GUCY2F: variants seen among roughly 807,000 people sequenced by gnomAD.
GUCY2F encodes the protein retinal guanylyl cyclase 2.
GUCY2F carries 61 observed loss-of-function variants against 73.1 expected under a neutral mutation model. The observed-to-expected ratio is 0.83, with a 90% confidence interval of 0.68 to 1.03. GUCY2F has a LOEUF of 1.03. GUCY2F is among the 50% of genes least tolerant of loss of function. GUCY2F has a pLI of 0.00. For synonymous variants in GUCY2F, 331 were observed against 307.8 expected (o/e 1.08, Z -0.79); for missense variants, 912 against 854.3 (o/e 1.07, Z -0.84).
chrX:109,392,025 G>A lies in GUCY2F; in HGVS notation c.2667C>T (p.Asp889=). The change falls in exon 14 of 20, where the codon GAC becomes GAT. Residue 889 remains aspartate (D), a synonymous_variant. Transcript: ENST00000218006. ...GFDLVTLYFS[D]IVGFTTISAM... is the part of the protein sequence containing the mutation. ...CTGAAATGGTTGTGAAGCCCACAAT[G>A]TCGCTGAAGTACAAGGTGACCAAGT... The A allele has an allele frequency of 8.3e-7, 1 of 1,208,690 alleles. No individual in the cohort carries two copies. The highest frequency in any genetic ancestry group is 1.1e-6 in the Non-Finnish European group (1 of 893,155).
intron 8 of GUCY2F, among the ~76,000 whole-genome samples, chrX:109,416,421 T>G (rs1931242533): frequency 9.1e-6 from 1 of 109,800 alleles, no homozygotes; most frequent in South Asian, 3.9e-4. Context: ...AGTAAAAAAA[T>G]TTGCTAGGTG....
intron 10 of GUCY2F, among the ~76,000 whole-genome samples, chrX:109,400,411 G>C (rs1016349461): frequency 9.0e-6 from 1 of 111,577 alleles, no homozygotes; most frequent in Non-Finnish European, 1.9e-5. Flanking sequence ...CAGGGAGAAA[G>C]TAATGGCTAA....
chrX:109,475,355 A>G lies in GUCY2F; in HGVS notation c.582T>C (p.Asp194=). Residue 194 remains aspartate (D), a synonymous_variant, in exon 2 of 20, where the codon GAT becomes GAC. Transcript: ENST00000218006. The part of the protein sequence containing the change: ...QWAHAGVISS[D]EDIWVHTANR... ...TGGCTGTATGCACCCAAATGTCTTC[A>G]TCTGAGGAAATGACTCCAGCATGAG... is the stretch of plus-strand genomic sequence containing the variant. The G allele has an allele frequency of 8.3e-7, 1 of 1,211,388 alleles. No individual in the cohort carries two copies. The highest frequency in any genetic ancestry group is 1.1e-6 in the Non-Finnish European group (1 of 895,086).
chrX:109,469,066 T>A (rs1308219505), intron 2 of GUCY2F, among the ~76,000 whole-genome samples: 1 of 111,518 alleles, frequency 9.0e-6, no homozygotes, highest in African/African-American at 3.3e-5. Context: ...TAAGTTTCCA[T>A]CCTATCAAGC....
At chrX:109,462,676 T>A (rs73639128) in intron 3 of GUCY2F, among the ~76,000 whole-genome samples, 8,778 of 111,642 alleles carry the variant, frequency 0.079, 835 homozygotes, top group African/African-American at 0.27. Context: ...AAATACCTGT[T>A]CATATATATG....
At position 109,433,259 on chromosome X, in the gene GUCY2F, G is replaced by A. The variant is rs769719993; in HGVS notation, c.1702-2863C>T. On this transcript the variant is annotated intron_variant, in intron 7 of 19. Transcript: ENST00000218006. ...CTGTCTGGCTTATTAAGTGCCACGA[G>A]CAGCTAAGCAGAGCTTTTTCATGCC... Among the ~76,000 whole-genome samples the A allele has an allele frequency of 5.3e-5, 6 of 112,158 alleles. No individual in the cohort carries two copies. In the South Asian group the frequency reaches 1.5e-3, roughly 28 times the overall value.
intron 14 of GUCY2F, among the ~76,000 whole-genome samples, chrX:109,390,845 G>A (rs1467946646): frequency 8.9e-6 from 1 of 112,703 alleles, no homozygotes; most frequent in Non-Finnish European, 1.9e-5. Context: ...TGATTGACAG[G>A]TATGATGTTT....
intron 8 of GUCY2F, among the ~76,000 whole-genome samples, chrX:109,415,839 T>C (rs1350605385): frequency 8.9e-6 from 1 of 112,211 alleles, no homozygotes; most frequent in Non-Finnish European, 1.9e-5. Flanking sequence ...TTACATAAAA[T>C]ATCTAGCATA....
rs151269049 is a variant in GUCY2F, at chrX:109,453,584, G to A, written c.1308C>T (p.Thr436=). ...MEMELLRFGG[T]PIHFPGGRPP... Reference sequence around the variant, plus strand: ...GCCTGCCACCAGGGAAGTGAATAGGGGTCCCTCCGAAACGTAGCAGCTCCA... The same window carrying A: ...GCCTGCCACCAGGGAAGTGAATAGGAGTCCCTCCGAAACGTAGCAGCTCCA... The change falls in exon 4 of 20, where the codon ACC becomes ACT. Residue 436 remains threonine (T), a synonymous_variant. Transcript: ENST00000218006. 2.2e-5 allele frequency: 27 copies of A among 1,207,463 alleles called. No homozygotes were observed. The African/African-American group carries it at 4.4e-4, about 20-fold the overall frequency.
intron 8 of GUCY2F, among the ~76,000 whole-genome samples, chrX:109,413,518 C>T (rs1268944195): frequency 9.1e-6 from 1 of 110,400 alleles, no homozygotes; most frequent in Non-Finnish European, 1.9e-5. Context: ...GATTCTCCTG[C>T]CTCAGCCTCC....
intron 10 of GUCY2F, among the ~76,000 whole-genome samples, chrX:109,400,748 C>A (rs1701125984): frequency 8.9e-6 from 1 of 112,169 alleles, no homozygotes; most frequent in Non-Finnish European, 1.9e-5. Flanking sequence ...AAAACACTCA[C>A]TATAGTGATT....
At chrX:109,408,852 T>C in intron 9 of GUCY2F, 140 bp downstream of exon 9, 1 of 453,417 alleles carries the variant, frequency 2.2e-6, no homozygotes. Flanking sequence ...GGTATGTCTT[T>C]ATCAGCAGCA....
intron 7 of GUCY2F, among the ~76,000 whole-genome samples, chrX:109,434,959 G>C (rs1168478406): frequency 9.1e-6 from 1 of 109,508 alleles, no homozygotes; most frequent in Non-Finnish European, 1.9e-5. Flanking sequence ...TTATTTCTGA[G>C]GGCTCTGTTC....
chrX:109,426,289 G>A (rs772539554), intron 8 of GUCY2F, among the ~76,000 whole-genome samples: 2 of 112,501 alleles, frequency 1.8e-5, no homozygotes, highest in Non-Finnish European at 3.8e-5. Context: ...GAGGTCAGTA[G>A]ACTGGAAGAC....
chrX:109,385,208 A>G lies in GUCY2F; in HGVS notation c.3031T>C (p.Ser1011Pro), dbSNP rs1569354881. Residue 1011 changes from serine to proline, a missense_variant, in exon 16 of 20, where the codon TCT (serine) becomes CCT (proline). Physicochemically the swap from Ser to Pro is moderately conservative, Grantham distance 74. Coordinates refer to ENST00000218006, the MANE Select transcript of GUCY2F (RefSeq NM_001522.3). The part of the protein sequence containing the change: ...CLFGDTVNTA[S>P]RMESTGLPYR... ...CGTAAGCCTGTAGATTCCATCCGAGAAGCTGTGTTCACAGTGTCTCCAAAC... is the reference window on the plus strand; with the variant it reads ...CGTAAGCCTGTAGATTCCATCCGAGGAGCTGTGTTCACAGTGTCTCCAAAC... 1 of 1,180,301 alleles carries G rather than the reference A, an allele frequency of 8.5e-7. No individual in the cohort carries two copies. The highest frequency in any genetic ancestry group is 3.0e-5 in the East Asian group (1 of 33,552).
chrX:109,481,279 T>C (rs1411715704), intron 1 of GUCY2F, among the ~76,000 whole-genome samples: 2 of 112,066 alleles, frequency 1.8e-5, no homozygotes, highest in African/African-American at 3.2e-5. Flanking sequence ...GGAAATAGAA[T>C]ACTACTGGCC....
intron 2 of GUCY2F, among the ~76,000 whole-genome samples, chrX:109,471,953 A>C (rs1372166137): frequency 8.9e-6 from 1 of 112,099 alleles, no homozygotes; most frequent in Non-Finnish European, 1.9e-5. Context: ...CTATGGCAGC[A>C]TATAGTAACA....
intron 8 of GUCY2F, among the ~76,000 whole-genome samples, chrX:109,421,070 T>A (rs1219404277): frequency 9.0e-6 from 1 of 111,552 alleles, no homozygotes; most frequent in Non-Finnish European, 1.9e-5. Flanking sequence ...CTAGGAGATA[T>A]CACCTTAACC....
intron 1 of GUCY2F, among the ~76,000 whole-genome samples, chrX:109,481,042 A>AGAAGGAAGGAAGGAAGGAAG (rs773258991): frequency 2.7e-4 from 11 of 40,197 alleles, no homozygotes; most frequent in East Asian, 1.0e-3. Context: ...AAGGGAGAGA[A>AGAAGGAAGGAAGGAAGGAAG]GAAGGAAGGA....
Sources: gnomAD v4.1 joint callset for allele counts (sites outside exome capture counted in the v4.1 genomes callset) on GRCh38, gnomAD v4.1.1 for gene constraint, MANE v1.5 for transcripts, NCBI Gene and HGNC (gene_info 2026-07-23, HGNC 2026-07-21) for gene names.